VSX2: variants seen among roughly 807,000 people sequenced by gnomAD.
The protein encoded by VSX2 is visual system homeobox 2.
In VSX2, 28 loss-of-function variants were observed where a neutral mutation model predicts 32.1. The observed-to-expected ratio is 0.87, with a 90% CI of 0.65 to 1.20. VSX2 has a LOEUF of 1.20. Among genes scored for constraint, VSX2 ranks in the 50% most tolerant of loss-of-function variants. VSX2 has a pLI of 0.00. For missense variants in VSX2, 506 were observed against 488.7 expected, an observed-to-expected ratio of 1.04 and a Z score of -0.33; for synonymous variants, 243 against 214.1, an observed-to-expected ratio of 1.14 and a Z score of -1.18.
At chr14:74,245,374 G>T in intron 3 of VSX2, 86 bp downstream of exon 3, 2 of 1,565,530 alleles carry the variant, frequency 1.3e-6, no homozygotes, top group South Asian at 2.3e-5. Context: ...CCATGACCCC[G>T]CCTCCCAGCC....
intron 2 of VSX2, among the ~76,000 whole-genome samples, chr14:74,243,216 TA>T (rs2079162593): frequency 6.6e-6 from 1 of 152,152 alleles, no homozygotes; most frequent in East Asian, 1.9e-4. Flanking sequence ...AAACCAGACT[TA>T]AAAGCGTTTG....
chr14:74,244,568 G>A (rs1033883081), intron 2 of VSX2, among the ~76,000 whole-genome samples: 1 of 152,078 alleles, frequency 6.6e-6, no homozygotes, highest in Non-Finnish European at 1.5e-5. Flanking sequence ...ACTTTGAAAG[G>A]CATTCAAAAA....
In VSX2 at chr14:74,239,944, A is replaced by G. The variant is rs1370097065; in HGVS notation, c.370+13A>G. 1 of 1,555,020 alleles carries G rather than the reference A, an allele frequency of 6.4e-7. No individual in the cohort carries two copies. Among genetic ancestry groups the G allele is most frequent in the African/African-American group, 1.4e-5 (1 of 73,480 alleles). ...ACGGCCAGCTCGGGTAGGTGAGGAG[A>G]GGTTGCGCTGCTGCCTGACTGGGGG... On this transcript the variant is annotated intron_variant, in intron 1 of 4. Transcript: ENST00000261980.
chr14:74,254,557 C>G (rs998184993), intron 3 of VSX2, among the ~76,000 whole-genome samples: 5 of 152,192 alleles, frequency 3.3e-5, no homozygotes, highest in African/African-American at 1.2e-4. Flanking sequence ...TCTTCCCCTC[C>G]TCCTGGACTG....
chr14:74,257,051 C>A (rs1375366200), intron 3 of VSX2, among the ~76,000 whole-genome samples: 1 of 151,988 alleles, frequency 6.6e-6, no homozygotes, highest in South Asian at 2.1e-4. Context: ...CAAGCAGATA[C>A]GCTAAGGGGA....
chr14:74,241,313 GC>G, intron 2 of VSX2, 47 bp downstream of exon 2: 2 of 1,585,532 alleles, frequency 1.3e-6, no homozygotes, highest in Non-Finnish European at 8.6e-7. Flanking sequence ...GCACCCCGCT[GC>G]CGTCCCCCGT....
chr14:74,254,130 C>A (rs1395153715), intron 3 of VSX2, among the ~76,000 whole-genome samples: 1 of 150,446 alleles, frequency 6.6e-6, no homozygotes, highest in Non-Finnish European at 1.5e-5. Context: ...TGGGGAGAGG[C>A]CAGGCGTGGG....
Position 74,260,628 on chromosome 14 carries a change from G to T in VSX2, c.795G>T (p.Glu265Asp). The change falls in exon 5 of 5, where the codon GAG becomes GAT. Residue 265 changes from glutamate to aspartate, a missense_variant. Physicochemically the swap from Glu to Asp is conservative, Grantham distance 45. Coordinates refer to ENST00000261980, the MANE Select transcript of VSX2 (RefSeq NM_182894.3). ...MHKKSLEAAA[E>D]SGRKPEGERQ... ...AAAAGTCGCTGGAGGCAGCAGCCGA[G>T]TCGGGGAGGAAGCCCGAGGGGGAAC... 2 of 1,607,378 alleles carry T rather than the reference G, an allele frequency of 1.2e-6. No individual in the cohort carries two copies. Among genetic ancestry groups the T allele is most frequent in the Non-Finnish European group, 8.5e-7 (1 of 1,177,518 alleles).
At chr14:74,241,327 C>T in intron 2 of VSX2, 61 bp downstream of exon 2, 12 of 1,560,790 alleles carry the variant, frequency 7.7e-6, no homozygotes, top group Non-Finnish European at 1.1e-5. Flanking sequence ...TCCCCCGTTC[C>T]GGGATCGGGT....
intron 3 of VSX2, among the ~76,000 whole-genome samples, chr14:74,248,615 C>G (rs2139637422): frequency 6.6e-6 from 1 of 151,214 alleles, no homozygotes; most frequent in Non-Finnish European, 1.5e-5. Context: ...CACTTGAGCC[C>G]AAGAGGTAGA....
At chr14:74,247,100 A>G (rs4903211) in intron 3 of VSX2, among the ~76,000 whole-genome samples, 124,794 of 151,816 alleles carry the variant, frequency 0.82, 51,844 homozygotes, top group Admixed American at 0.9. Context: ...AGAAATGAGG[A>G]AAGAGTCTCA....
intron 2 of VSX2, among the ~76,000 whole-genome samples, chr14:74,243,517 C>T (rs1186013018): frequency 3.3e-5 from 5 of 152,080 alleles, no homozygotes; most frequent in Non-Finnish European, 7.3e-5. Flanking sequence ...GACCTATAAT[C>T]GGCTCTCCTC....
chr14:74,245,354 T>A, intron 3 of VSX2, 66 bp downstream of exon 3: 2 of 1,604,526 alleles, frequency 1.2e-6, no homozygotes, highest in South Asian at 2.2e-5. Context: ...CACTCCAGGG[T>A]TCCAGATGCC....
chr14:74,239,804 C>T lies in VSX2; in HGVS notation c.243C>T (p.Pro81=). Residue 81 remains proline, a synonymous_variant, in exon 1 of 5, where the codon CCC becomes CCT. Coordinates refer to ENST00000261980, the MANE Select transcript of VSX2 (RefSeq NM_182894.3). The part of the protein sequence containing the change: ...AGVGGMGLLG[P]GGLPGFYTQP... The stretch of plus-strand genomic sequence containing the variant: ...TGGGCGGCATGGGGCTTCTGGGGCC[C>T]GGGGGGCTCCCTGGCTTCTACACGC... 4 of 1,569,444 alleles carry T rather than the reference C, an allele frequency of 2.5e-6. No homozygotes were observed. Among genetic ancestry groups the T allele is most frequent in the East Asian group, 2.3e-5 (1 of 43,016 alleles).
Position 74,260,757 on chromosome 14 carries a change from G to A in VSX2, c.924G>A (p.Val308=), listed in dbSNP as rs1395549263. 2 of 1,589,286 alleles carry A rather than the reference G, an allele frequency of 1.3e-6. No individual in the cohort carries two copies. The highest frequency in any genetic ancestry group is 2.3e-5 in the South Asian group (2 of 87,288). The change falls in exon 5 of 5, where the codon GTG becomes GTA. Residue 308 remains valine, a synonymous_variant. Coordinates refer to ENST00000261980, the MANE Select transcript of VSX2 (RefSeq NM_182894.3). ...QEELRENSIA[V]LRAKAQEHST... Reference sequence around the variant, plus strand: ...AACTGAGGGAGAACAGCATTGCGGTGCTCCGGGCCAAAGCTCAGGAGCACA... The same window carrying A: ...AACTGAGGGAGAACAGCATTGCGGTACTCCGGGCCAAAGCTCAGGAGCACA...
In VSX2 at chr14:74,244,242, C is replaced by G. The variant is rs574293083; in HGVS notation, c.456-923C>G. On this transcript the variant is annotated intron_variant, in intron 2 of 4. Coordinates refer to ENST00000261980, the MANE Select transcript of VSX2 (RefSeq NM_182894.3). ...AAGCAGTTTATAACACAAAATAGAT[C>G]CATATGAACTGCTCTGTTGGGGGTG... is the stretch of plus-strand genomic sequence containing the variant. 1.1e-4 allele frequency among the ~76,000 whole-genome samples: 16 copies of G among 152,252 alleles called. No individual in the cohort carries two copies. The South Asian group carries it at 2.5e-3, about 24-fold the overall frequency.
intron 3 of VSX2, among the ~76,000 whole-genome samples, chr14:74,246,496 A>T (rs1455225276): frequency 6.6e-6 from 1 of 152,236 alleles, no homozygotes; most frequent in Non-Finnish European, 1.5e-5. Flanking sequence ...AAGCTCAATT[A>T]TTCATAAGCA....
intron 3 of VSX2, among the ~76,000 whole-genome samples, chr14:74,251,407 G>T (rs550531817): frequency 1.1e-3 from 160 of 152,298 alleles, no homozygotes; most frequent in Middle Eastern, 3.4e-3. Context: ...CCGAGATCGC[G>T]CCATTGCACT....
At chr14:74,245,635 C>T (rs2079187758) in intron 3 of VSX2, among the ~76,000 whole-genome samples, 1 of 152,006 alleles carries the variant, frequency 6.6e-6, no homozygotes, top group Admixed American at 6.5e-5. Context: ...TTTGGTACAG[C>T]TAAATGTCTG....
Sources: allele counts gnomAD v4.1 joint callset (sites outside exome capture counted in the v4.1 genomes callset), GRCh38; gene constraint gnomAD v4.1.1; transcripts MANE v1.5; gene names NCBI Gene and HGNC (gene_info 2026-07-23, HGNC 2026-07-21).